The following YES1 variants were observed in gnomAD, a reference collection of about 807,000 sequenced individuals.
The protein encoded by YES1 is YES proto-oncogene 1, Src family tyrosine kinase.
In YES1, 39 loss-of-function variants were observed where a neutral mutation model predicts 70.4. The ratio of observed to expected loss-of-function variants is 0.55; its 90% CI spans 0.43 to 0.72. The LOEUF (loss-of-function observed/expected upper bound fraction) is 0.72. YES1 is among the 30% of genes least tolerant of loss of function. The pLI, the probability that YES1 is intolerant of heterozygous loss-of-function variation, is 0.00. For synonymous variants in YES1, 198 were observed against 218.6 expected, an observed-to-expected ratio of 0.91 and a Z score of 0.83; for missense variants, 495 against 644.8, an observed-to-expected ratio of 0.77 and a Z score of 2.52.
chr18:790,871 G>A (rs544016471), intron 1 of YES1, among the ~76,000 whole-genome samples: 1 of 152,224 alleles, frequency 6.6e-6, no homozygotes, highest in South Asian at 2.1e-4. Flanking sequence ...CAGATATCTG[G>A]GGTTATCAAA....
chr18:734,065 G>A (rs2145682474), intron 10 of YES1, among the ~76,000 whole-genome samples: 1 of 150,956 alleles, frequency 6.6e-6, no homozygotes, highest in Middle Eastern at 3.5e-3. Context: ...GATCACCTAA[G>A]GTCAGGAGTT....
intron 1 of YES1, among the ~76,000 whole-genome samples, chr18:763,016 G>A (rs1645220104): frequency 6.6e-6 from 1 of 152,168 alleles, no homozygotes; most frequent in Non-Finnish European, 1.5e-5. Context: ...ATCTGAGCTT[G>A]GTCTTGAAGA....
intron 1 of YES1, among the ~76,000 whole-genome samples, chr18:800,989 T>C (rs141371553): frequency 2.3e-4 from 35 of 151,968 alleles, no homozygotes; most frequent in Admixed American, 1.4e-3. Context: ...CTACTAAAAA[T>C]ATAAAAATTA....
At chr18:778,430 T>C (rs1450353460) in intron 1 of YES1, among the ~76,000 whole-genome samples, 1 of 152,260 alleles carries the variant, frequency 6.6e-6, no homozygotes, top group East Asian at 1.9e-4. Flanking sequence ...ATGACAATGT[T>C]GCCTTATTAT....
At chr18:746,345 C>T (rs538882409) in intron 4 of YES1, among the ~76,000 whole-genome samples, 1 of 152,202 alleles carries the variant, frequency 6.6e-6, no homozygotes, top group African/African-American at 2.4e-5. Context: ...AATAACAGAC[C>T]CTTTCTGTCA....
chr18:740,954 G>A lies in YES1; in HGVS notation c.1061-1143C>T, dbSNP rs541334916. Among the ~76,000 whole-genome samples the A allele has an allele frequency of 3.9e-4, 59 of 152,172 alleles. 1 individual carries two copies. The highest frequency in any genetic ancestry group is 5.9e-4 in the Admixed American group (9 of 15,278). ...ACTCAGTCACCCAGGCTGGAGTGCA[G>A]CGGTGTCATCTTGGCTCACTGCAAC... is the stretch of plus-strand genomic sequence containing the variant. On this transcript the variant is annotated intron_variant, in intron 8 of 11. Coordinates refer to ENST00000314574, the MANE Select transcript of YES1 (RefSeq NM_005433.4).
rs71174280 is a variant in YES1 at position 733,782 on chromosome 18, C to CAAAAAAA, written c.1292-824_1292-818dup. On this transcript the variant is annotated intron_variant, in intron 10 of 11. Transcript: ENST00000314574. ...TGGGCAACAGAGTGAGACTCCGTCT[C>CAAAAAAA]AAAAAAAAAAAAAAAAAAAAAAAAA... 3.2e-4 allele frequency among the ~76,000 whole-genome samples: 19 copies of CAAAAAAA among 59,246 alleles called. 1 individual carries two copies. The highest frequency in any genetic ancestry group is 1.0e-3 in the East Asian group (2 of 1,916). 38.9% of individuals were successfully genotyped at this position (59,246 alleles called of 152,430 possible). A position where few individuals can be genotyped will look rare whatever the true frequency, so the allele number is the denominator to read the frequency against.
At chr18:750,951 G>A (rs2080334640) in intron 3 of YES1, among the ~76,000 whole-genome samples, 1 of 152,118 alleles carries the variant, frequency 6.6e-6, no homozygotes, top group African/African-American at 2.4e-5. Context: ...GTTAGAAGAG[G>A]GGAGAAGCAC....
At chr18:804,428 T>A (rs1470159045) in intron 1 of YES1, among the ~76,000 whole-genome samples, 5 of 140,914 alleles carry the variant, frequency 3.5e-5, no homozygotes, top group East Asian at 2.1e-4. Flanking sequence ...GCCAACATGG[T>A]GAAACCCCCA....
intron 1 of YES1, among the ~76,000 whole-genome samples, chr18:786,895 T>TA (rs1432508483): frequency 6.6e-6 from 1 of 152,012 alleles, no homozygotes; most frequent in Non-Finnish European, 1.5e-5. Flanking sequence ...ATGATTTATT[T>TA]AAAAAAGCTC....
At chr18:776,350 C>T (rs1314424348) in intron 1 of YES1, among the ~76,000 whole-genome samples, 2 of 152,098 alleles carry the variant, frequency 1.3e-5, no homozygotes, top group Non-Finnish European at 2.9e-5. Flanking sequence ...CATGCCACCA[C>T]GCCTGGCCAA....
intron 1 of YES1, among the ~76,000 whole-genome samples, chr18:794,901 T>C (rs1433877339): frequency 6.6e-6 from 1 of 152,008 alleles, no homozygotes; most frequent in African/African-American, 2.4e-5. Context: ...ACTGCAACCT[T>C]GCCTCCCGGG....
intron 1 of YES1, among the ~76,000 whole-genome samples, chr18:782,762 T>A (rs1490266161): frequency 6.6e-6 from 1 of 152,208 alleles, no homozygotes; most frequent in African/African-American, 2.4e-5. Context: ...CGGCACAATC[T>A]CGGCTCACTG....
At chr18:791,809 C>CT (rs1906264886) in intron 1 of YES1, among the ~76,000 whole-genome samples, 1 of 151,986 alleles carries the variant, frequency 6.6e-6, no homozygotes, top group African/African-American at 2.4e-5. Flanking sequence ...AATCCCAGCA[C>CT]TTTGGGAGGC....
intron 10 of YES1, among the ~76,000 whole-genome samples, chr18:733,895 G>A (rs1404502668): frequency 1.3e-5 from 2 of 150,266 alleles, no homozygotes; most frequent in African/African-American, 4.9e-5. Context: ...ATATGTGTTT[G>A]TAGATAGTGT....
In YES1 at chr18:807,975, G is replaced by A. The variant is rs1598952273; in HGVS notation, c.-9+4139C>T. ...ACTGTACATTTGAACAAGAGAAACTGAAGGGCATTGCTACCCTAGATTTGG... is the reference window on the plus strand; with the variant it reads ...ACTGTACATTTGAACAAGAGAAACTAAAGGGCATTGCTACCCTAGATTTGG... On this transcript the variant is annotated intron_variant, in intron 1 of 11. Coordinates refer to ENST00000314574, the MANE Select transcript of YES1 (RefSeq NM_005433.4). Among the ~76,000 whole-genome samples, 6 of 152,196 alleles carry A rather than the reference G, an allele frequency of 3.9e-5. No homozygotes were observed. In the South Asian group the frequency reaches 1.2e-3, roughly 32 times the overall value.
At chr18:757,901 A>AG (rs1904378165) in intron 1 of YES1, among the ~76,000 whole-genome samples, 1 of 152,006 alleles carries the variant, frequency 6.6e-6, no homozygotes, top group South Asian at 2.1e-4. Flanking sequence ...AAAACAAAAT[A>AG]GAAAAAAAAG....
intron 1 of YES1, among the ~76,000 whole-genome samples, chr18:786,019 A>C (rs952710059): frequency 2.0e-5 from 3 of 152,200 alleles, no homozygotes; most frequent in Admixed American, 1.3e-4. Flanking sequence ...AGCAAGAAGA[A>C]GGCCCTTGCC....
intron 11 of YES1, among the ~76,000 whole-genome samples, chr18:731,420 A>G (rs1443983045): frequency 6.6e-6 from 1 of 152,166 alleles, no homozygotes; most frequent in East Asian, 1.9e-4. Flanking sequence ...AACCAGACAA[A>G]GTGGGTGATA....
Sources: gnomAD v4.1 joint callset for allele counts (sites outside exome capture counted in the v4.1 genomes callset) on GRCh38, gnomAD v4.1.1 for gene constraint, MANE v1.5 for transcripts, NCBI Gene and HGNC (gene_info 2026-07-23, HGNC 2026-07-21) for gene names.